SVEP1: variants seen among roughly 807,000 people sequenced by gnomAD.
SVEP1 encodes sushi, von Willebrand factor type A, EGF and pentraxin domain-containing protein 1.
Under a neutral mutation model 367.3 loss-of-function variants are expected in SVEP1, and 164 were observed. The observed-to-expected ratio is 0.45, with a 90% CI of 0.39 to 0.51. SVEP1 has a LOEUF of 0.51. Ranked by LOEUF, SVEP1 falls within the 20% of genes least tolerant of loss-of-function variation. The pLI, the probability that SVEP1 is intolerant of heterozygous loss-of-function variation, is 0.00. For missense variants in SVEP1, 4,117 were observed against 4,425.3 expected (o/e 0.93, Z 1.98); for synonymous variants, 1,666 against 1,611.6 (o/e 1.03, Z -0.81).
intron 5 of SVEP1, among the ~76,000 whole-genome samples, chr9:110,512,590 A>C (rs982233639): frequency 6.6e-6 from 1 of 152,180 alleles, no homozygotes; most frequent in Non-Finnish European, 1.5e-5. Flanking sequence ...TACAATTCCA[A>C]GAGGCATCAG....
At chr9:110,399,635 G>T (rs2118991853) in intron 40 of SVEP1, among the ~76,000 whole-genome samples, 1 of 152,114 alleles carries the variant, frequency 6.6e-6, no homozygotes, top group South Asian at 2.1e-4. Flanking sequence ...CTGGGCTTAA[G>T]TGATCCTCCT....
chr9:110,417,310 CA>C (rs1828141657), intron 36 of SVEP1, among the ~76,000 whole-genome samples: 1 of 131,670 alleles, frequency 7.6e-6, no homozygotes, highest in Non-Finnish European at 1.6e-5. Context: ...CTGGGAAGCG[CA>C]AGGGGTCAGG....
intron 1 of SVEP1, among the ~76,000 whole-genome samples, chr9:110,560,909 G>A (rs555872767): frequency 1.3e-5 from 2 of 152,062 alleles, no homozygotes; most frequent in East Asian, 1.9e-4. Flanking sequence ...TTCTTCTTTC[G>A]AATCCATTTT....
chr9:110,391,856 C>T (rs191030751), intron 40 of SVEP1, among the ~76,000 whole-genome samples: 255 of 152,052 alleles, frequency 1.7e-3, no homozygotes, highest in Non-Finnish European at 2.2e-3. Context: ...GTAGATTGCC[C>T]TCGCCAATGT....
In SVEP1 at chr9:110,408,959, A is replaced by G. The variant is rs2118498007; in HGVS notation, c.6649-8T>C. On this transcript the variant is annotated splice_region_variant and splice_polypyrimidine_tract_variant and intron_variant, in intron 37 of 47. Coordinates refer to ENST00000374469, the MANE Select transcript of SVEP1 (RefSeq NM_153366.4). ...GATCCTGCCAGTTGTATGCTGTGCA[A>G]CAGGAAGAAAGCAAGTGAGTGCGAT... The G allele has an allele frequency of 1.3e-6, 2 of 1,551,532 alleles. No homozygotes were observed. The highest frequency in any genetic ancestry group is 2.3e-5 in the East Asian group (1 of 44,370).
At chr9:110,415,577 C>A (rs1464704793) in intron 36 of SVEP1, among the ~76,000 whole-genome samples, 1 of 152,040 alleles carries the variant, frequency 6.6e-6, no homozygotes, top group East Asian at 1.9e-4. Flanking sequence ...CGATGCCATC[C>A]TTGACTGGAA....
At chr9:110,404,031 G>T (rs1827913595) in intron 39 of SVEP1, among the ~76,000 whole-genome samples, 1 of 152,024 alleles carries the variant, frequency 6.6e-6, no homozygotes, top group African/African-American at 2.4e-5. Context: ...GCCCATGGCT[G>T]ATTTCTACAC....
chr9:110,425,242 G>T (rs1828234648), intron 36 of SVEP1, among the ~76,000 whole-genome samples: 1 of 151,938 alleles, frequency 6.6e-6, no homozygotes, highest in Non-Finnish European at 1.5e-5. Context: ...ATATTAATTT[G>T]ATTAGCTAGC....
intron 3 of SVEP1, among the ~76,000 whole-genome samples, chr9:110,532,674 C>T (rs11999297): frequency 1.6e-4 from 24 of 152,108 alleles, no homozygotes; most frequent in African/African-American, 4.8e-4. Flanking sequence ...TGCACTAATC[C>T]AATCTGTTAA....
At chr9:110,526,002 C>T (rs1206367430) in intron 3 of SVEP1, among the ~76,000 whole-genome samples, 6 of 152,028 alleles carry the variant, frequency 3.9e-5, no homozygotes, top group Non-Finnish European at 7.4e-5. Context: ...AATAATTAAC[C>T]TTGACCTAAA....
chr9:110,409,100 T>C lies in SVEP1; in HGVS notation c.6649-149A>G, dbSNP rs566010051. 21 of 952,680 alleles carry C rather than the reference T, an allele frequency of 2.2e-5. No individual in the cohort carries two copies. The East Asian group carries it at 5.4e-4, about 24-fold the overall frequency. The allele number at this position is 952,680 out of a possible 1,614,324, so 59.0% of individuals were successfully genotyped here. A position where few individuals can be genotyped will look rare whatever the true frequency, so the allele number is the denominator to read the frequency against. ...AAATAATGATTTATGGTTTTTCCAA[T>C]AGATCCATTCTATTTTTTTAAATAA... On this transcript the variant is annotated intron_variant, in intron 37 of 47. Coordinates refer to ENST00000374469, the MANE Select transcript of SVEP1 (RefSeq NM_153366.4).
chr9:110,473,583 ACT>A (rs1829054565), intron 14 of SVEP1, among the ~76,000 whole-genome samples: 1 of 152,152 alleles, frequency 6.6e-6, no homozygotes, highest in Non-Finnish European at 1.5e-5. Context: ...GCCACATAAT[ACT>A]CTCTTGTATG....
At chr9:110,476,421 G>A (rs116986985) in intron 13 of SVEP1, 106 bp from the exon 14 acceptor site, 16,213 of 816,816 alleles carry the variant, frequency 0.02, 220 homozygotes, top group Middle Eastern at 0.056. Context: ...AGGAGGGAAG[G>A]GAGGGCCCCA....
At chr9:110,396,801 T>C (rs2118986366) in intron 40 of SVEP1, among the ~76,000 whole-genome samples, 1 of 152,222 alleles carries the variant, frequency 6.6e-6, no homozygotes, top group Admixed American at 6.5e-5. Context: ...AGGAAGTAGT[T>C]GAATCTCTGA....
chr9:110,461,895 T>C (rs565084878), intron 18 of SVEP1, among the ~76,000 whole-genome samples: 33 of 152,330 alleles, frequency 2.2e-4, no homozygotes, highest in African/African-American at 7.9e-4. Context: ...GAGTGCTAGG[T>C]AGAGCTCTGT....
chr9:110,481,305 A>C lies in SVEP1; in HGVS notation c.2302T>G (p.Tyr768Asp). 6.2e-7 allele frequency: 1 copy of C among 1,611,098 alleles called. No individual in the cohort carries two copies. The change falls in exon 12 of 48, where the codon TAT becomes GAT. Residue 768 changes from tyrosine to aspartate, a missense_variant. Physicochemically the swap from Tyr to Asp is radical, Grantham distance 160. This residue lies in a region of SVEP1 where 2,174 missense variants were observed against 2,494.3 expected (regional missense o/e 0.87). Transcript: ENST00000374469. ...DFTEGSTDKYYCAYEDGVWKP... is the reference protein window; with the variant it reads ...DFTEGSTDKYDCAYEDGVWKP... ...CAGACGCCATCTTCATAAGCACAAT[A>C]ATACTTGTCAGTAGACCCTTCTGTG...
At chr9:110,404,185 A>G in intron 39 of SVEP1, 142 bp downstream of exon 39, 1 of 761,818 alleles carries the variant, frequency 1.3e-6, no homozygotes, top group South Asian at 2.2e-5. Context: ...TATATTTTCT[A>G]CCAAGAAACT....
At chr9:110,403,310 T>TG (rs1827896540) in intron 39 of SVEP1, among the ~76,000 whole-genome samples, 2 of 132,444 alleles carry the variant, frequency 1.5e-5, no homozygotes, top group South Asian at 5.4e-4. Context: ...TTTTTTTTTT[T>TG]TTTTTTTTTT....
rs138619485 is a variant in SVEP1, at chr9:110,528,728, T to A, written c.965-14622A>T. On this transcript the variant is annotated intron_variant, in intron 3 of 47. Coordinates refer to ENST00000374469, the MANE Select transcript of SVEP1 (RefSeq NM_153366.4). ...TATTAGTCCTTTGTCAGGTCCATAG[T>A]TTGCAAATATTTTCTCCCATTCTGT... Among the ~76,000 whole-genome samples the A allele has an allele frequency of 3.3e-4, 50 of 151,992 alleles. No individual in the cohort carries two copies. The East Asian group carries it at 9.5e-3, about 29-fold the overall frequency.
Sources: gnomAD v4.1 joint callset for allele counts (sites outside exome capture counted in the v4.1 genomes callset) on GRCh38, gnomAD v4.1.1 for gene constraint, gnomAD v4.1.1 regional missense constraint, MANE v1.5 for transcripts, NCBI Gene and HGNC (gene_info 2026-07-23, HGNC 2026-07-21) for gene names.